The following ZBTB7C variants were observed in gnomAD, a reference collection of about 807,000 sequenced individuals.
ZBTB7C encodes the protein zinc finger and BTB domain-containing protein 7C.
A neutral mutation model predicts 25.7 loss-of-function variants in ZBTB7C; 8 were observed. That is an observed-to-expected ratio of 0.31 (90% confidence interval 0.18 to 0.56). The LOEUF (loss-of-function observed/expected upper bound fraction) is 0.56, where lower values mean the gene tolerates loss of function less well. ZBTB7C is among the 20% of genes least tolerant of loss of function. The pLI is 0.91. For missense variants in ZBTB7C, 824 were observed against 855.2 expected (o/e 0.96, Z 0.46); for synonymous variants, 394 against 369.0 (o/e 1.07, Z -0.78).
At chr18:48,171,741 C>T (rs562145779) in intron 3 of ZBTB7C, among the ~76,000 whole-genome samples, 6 of 152,194 alleles carry the variant, frequency 3.9e-5, no homozygotes, top group East Asian at 1.9e-4. Context: ...AGGTGCCTGC[C>T]GGGTCCTAGC....
At chr18:48,347,737 G>A (rs541972115) in intron 1 of ZBTB7C, among the ~76,000 whole-genome samples, 1 of 152,334 alleles carries the variant, frequency 6.6e-6, no homozygotes, top group South Asian at 2.1e-4. Context: ...AGAGCCTGGA[G>A]GTTGTGGTCA....
intron 2 of ZBTB7C, among the ~76,000 whole-genome samples, chr18:48,307,436 C>T (rs1031001987): frequency 3.9e-5 from 6 of 152,232 alleles, no homozygotes; most frequent in Non-Finnish European, 8.8e-5. Flanking sequence ...TGGTCAGGGC[C>T]CATGCCAAGA....
chr18:48,237,100 G>T (rs757154299), intron 2 of ZBTB7C, among the ~76,000 whole-genome samples: 1 of 152,122 alleles, frequency 6.6e-6, no homozygotes, highest in African/African-American at 2.4e-5. Context: ...AGCAGACAGT[G>T]GGGGAGCAAT....
intron 3 of ZBTB7C, among the ~76,000 whole-genome samples, chr18:48,115,335 G>A (rs1440910757): frequency 1.3e-5 from 2 of 151,802 alleles, no homozygotes; most frequent in East Asian, 1.9e-4. Flanking sequence ...TGCAGGCTCC[G>A]CCTCCTGGGT....
chr18:48,141,132 A>T (rs1333074217), intron 3 of ZBTB7C, among the ~76,000 whole-genome samples: 14 of 93,796 alleles, frequency 1.5e-4, no homozygotes, highest in Non-Finnish European at 2.5e-4. Context: ...ACAGATAGGC[A>T]TCCCCCCCGC....
intron 2 of ZBTB7C, among the ~76,000 whole-genome samples, chr18:48,286,970 G>A (rs574200300): frequency 7.6e-4 from 116 of 152,158 alleles, no homozygotes; most frequent in South Asian, 3.5e-3. Flanking sequence ...GAGATTGCTT[G>A]AGCCCAGAAG....
chr18:48,051,810 C>T (rs61634759), intron 3 of ZBTB7C, among the ~76,000 whole-genome samples: 28,641 of 152,020 alleles, frequency 0.19, 2,831 homozygotes, highest in Middle Eastern at 0.26. Context: ...GGAGTGCCAC[C>T]GCAGATGGCT....
intron 3 of ZBTB7C, among the ~76,000 whole-genome samples, chr18:48,176,856 G>T (rs1289856077): frequency 6.6e-6 from 1 of 152,244 alleles, no homozygotes; most frequent in Admixed American, 6.5e-5. Context: ...CCAGGGGACT[G>T]CCAGCAGGCA....
chr18:48,029,674 C>T lies in ZBTB7C; in HGVS notation c.1446G>A (p.Lys482=). 6.4e-7 allele frequency: 1 copy of T among 1,570,718 alleles called. No homozygotes were observed. The highest frequency in any genetic ancestry group is 1.7e-4 in the Middle Eastern group (1 of 5,976). ...GGCTGGCGGCCCTCCACGCAGCAGGCTTGCGGCCGCGTCGGGGCCGTGCCA... is the reference window on the plus strand; with the variant it reads ...GGCTGGCGGCCCTCCACGCAGCAGGTTTGCGGCCGCGTCGGGGCCGTGCCA... ...CRMARPRRGR[K]PAAWRAASLL... Residue 482 remains lysine, a synonymous_variant, in exon 5 of 5, where the codon AAG becomes AAA. Coordinates refer to ENST00000590800, the MANE Select transcript of ZBTB7C (RefSeq NM_001318841.2).
chr18:48,363,710 C>A (rs1040634895), intron 1 of ZBTB7C, among the ~76,000 whole-genome samples: 3 of 152,046 alleles, frequency 2.0e-5, no homozygotes, highest in Non-Finnish European at 4.4e-5. Context: ...GACAGCGTGG[C>A]CATTGGGGGT....
At chr18:48,078,385 G>T (rs937515843) in intron 3 of ZBTB7C, among the ~76,000 whole-genome samples, 1 of 152,170 alleles carries the variant, frequency 6.6e-6, no homozygotes, top group African/African-American at 2.4e-5. Flanking sequence ...ACATGGTGTG[G>T]CCCCAGGACC....
At chr18:48,128,242 T>C (rs1568240202) in intron 3 of ZBTB7C, among the ~76,000 whole-genome samples, 1 of 152,164 alleles carries the variant, frequency 6.6e-6, no homozygotes, top group Non-Finnish European at 1.5e-5. Context: ...CCTCTCCATT[T>C]AGCCGCCTGC....
chr18:48,345,472 C>T (rs2046706093), intron 1 of ZBTB7C, among the ~76,000 whole-genome samples: 1 of 152,152 alleles, frequency 6.6e-6, no homozygotes, highest in African/African-American at 2.4e-5. Context: ...GCATGTTCAC[C>T]CGACTCCCAA....
At chr18:48,381,344 C>T (rs1467828558) in intron 1 of ZBTB7C, among the ~76,000 whole-genome samples, 1 of 152,098 alleles carries the variant, frequency 6.6e-6, no homozygotes, top group Non-Finnish European at 1.5e-5. Flanking sequence ...TGGAGCACAT[C>T]AGAGACACAG....
intron 2 of ZBTB7C, among the ~76,000 whole-genome samples, chr18:48,275,062 C>T (rs907418338): frequency 6.6e-6 from 1 of 152,178 alleles, no homozygotes; most frequent in African/African-American, 2.4e-5. Flanking sequence ...ATACGAAGTA[C>T]TTATTACTGG....
chr18:48,258,602 G>A (rs375860588), intron 2 of ZBTB7C, among the ~76,000 whole-genome samples: 1 of 152,174 alleles, frequency 6.6e-6, no homozygotes, highest in African/African-American at 2.4e-5. Flanking sequence ...TTATTGATAT[G>A]TCAATTATCC....
intron 2 of ZBTB7C, among the ~76,000 whole-genome samples, chr18:48,333,374 A>G (rs961001412): frequency 6.6e-6 from 1 of 151,802 alleles, no homozygotes; most frequent in Admixed American, 6.6e-5. Flanking sequence ...AATTCTCTCA[A>G]ATCTTTAGCA....
At chr18:48,294,165 GGGACTAGGCAATCAGCA>G (rs974883113) in intron 2 of ZBTB7C, among the ~76,000 whole-genome samples, 30 of 152,334 alleles carry the variant, frequency 2.0e-4, no homozygotes, top group African/African-American at 7.2e-4. Context: ...GCTTGGAGAG[GGGACTAGGCAATCAGCA>G]GGTGCGTGTG....
chr18:48,050,395 G>T (rs550394167), intron 3 of ZBTB7C, among the ~76,000 whole-genome samples: 1 of 152,162 alleles, frequency 6.6e-6, no homozygotes, highest in Non-Finnish European at 1.5e-5. Context: ...TGCCCTGCCC[G>T]CCACGAGCAC....
Sources: gnomAD v4.1 joint callset for allele counts (sites outside exome capture counted in the v4.1 genomes callset) on GRCh38, gnomAD v4.1.1 for gene constraint, MANE v1.5 for transcripts, NCBI Gene and HGNC (gene_info 2026-07-23, HGNC 2026-07-21) for gene names.